NXPH1: variants seen among roughly 807,000 people sequenced by gnomAD.
NXPH1 encodes the protein neurexophilin 1.
A neutral mutation model predicts 23.7 loss-of-function variants in NXPH1; 5 were observed. The observed-to-expected ratio is 0.21, with a 90% confidence interval of 0.11 to 0.44. The LOEUF (loss-of-function observed/expected upper bound fraction) is 0.44. Ranked by LOEUF, NXPH1 falls within the 20% of genes least tolerant of loss-of-function variation. The pLI, the probability that NXPH1 is intolerant of heterozygous loss-of-function variation, is 0.99. For missense variants in NXPH1, 324 were observed against 321.6 expected (o/e 1.01, Z -0.06); for synonymous variants, 144 against 122.2 (o/e 1.18, Z -1.18).
chr7:8,695,671 T>C (rs1374098920), intron 2 of NXPH1, among the ~76,000 whole-genome samples: 2 of 152,234 alleles, frequency 1.3e-5, no homozygotes, highest in Non-Finnish European at 1.5e-5. Context: ...ACTTCTAATA[T>C]ACTAAGTATT....
intron 2 of NXPH1, among the ~76,000 whole-genome samples, chr7:8,617,721 A>C (rs1400114703): frequency 1.3e-5 from 2 of 152,134 alleles, no homozygotes; most frequent in Non-Finnish European, 2.9e-5. Context: ...AATAAAACCT[A>C]CTATTTGATA....
At chr7:8,745,719 A>ATTTTTTTTTTTTTTTTTTTTTTTTTTTTT in intron 2 of NXPH1, among the ~76,000 whole-genome samples, 1 of 111,846 alleles carries the variant, frequency 8.9e-6, no homozygotes, top group Non-Finnish European at 1.7e-5. Flanking sequence ...CGCCCAGCTA[A>ATTTTTTTTTTTTTTTTTTTTTTTTTTTTT]TTTTTTTTTT....
At position 8,566,967 on chromosome 7, in the gene NXPH1, A is replaced by C. The variant is rs115306188; in HGVS notation, c.54+131200A>C. 1.8e-3 allele frequency among the ~76,000 whole-genome samples: 276 copies of C among 152,014 alleles called. 2 individuals carry two copies. The highest frequency in any genetic ancestry group is 6.3e-3 in the African/African-American group (260 of 41,554). ...TTTCAAGAACAAGAAGAAAAAAAGA[A>C]TACTTAAAGATTCATGTGGCCTAAA... On this transcript the variant is annotated intron_variant, in intron 2 of 2. Coordinates refer to ENST00000405863, the MANE Select transcript of NXPH1 (RefSeq NM_152745.3).
At chr7:8,636,724 C>A (rs895977629) in intron 2 of NXPH1, among the ~76,000 whole-genome samples, 1 of 152,208 alleles carries the variant, frequency 6.6e-6, no homozygotes, top group African/African-American at 2.4e-5. Flanking sequence ...CACACGTATT[C>A]CACGTCTGGC....
chr7:8,693,600 C>T (rs1424268597), intron 2 of NXPH1, among the ~76,000 whole-genome samples: 1 of 152,154 alleles, frequency 6.6e-6, no homozygotes, highest in African/African-American at 2.4e-5. Flanking sequence ...AATACATTAT[C>T]ATTAAGTGTT....
intron 2 of NXPH1, among the ~76,000 whole-genome samples, chr7:8,671,302 C>T (rs569304064): frequency 6.2e-4 from 94 of 152,214 alleles, no homozygotes; most frequent in Admixed American, 1.4e-3. Context: ...ATTAAGCACC[C>T]AGCTGTCTTT....
chr7:8,488,100 C>G (rs1050123344), intron 2 of NXPH1, among the ~76,000 whole-genome samples: 3 of 152,082 alleles, frequency 2.0e-5, no homozygotes, highest in Non-Finnish European at 4.4e-5. Context: ...ATAGTTCTTG[C>G]TCTTCATTTG....
chr7:8,549,272 A>G (rs1324530273), intron 2 of NXPH1, among the ~76,000 whole-genome samples: 1 of 151,480 alleles, frequency 6.6e-6, no homozygotes, highest in African/African-American at 2.4e-5. Context: ...TTCTCCATTA[A>G]ATTATGCTGA....
intron 2 of NXPH1, among the ~76,000 whole-genome samples, chr7:8,580,992 G>T (rs1462450743): frequency 6.6e-6 from 1 of 152,128 alleles, no homozygotes; most frequent in Non-Finnish European, 1.5e-5. Context: ...TCATCCCTGA[G>T]AAATGCTAAA....
chr7:8,595,677 A>G (rs2128626217), intron 2 of NXPH1, among the ~76,000 whole-genome samples: 2 of 152,126 alleles, frequency 1.3e-5, no homozygotes, highest in Non-Finnish European at 1.5e-5. Flanking sequence ...ACTCAAGAGT[A>G]TACTGACTAT....
chr7:8,666,610 T>C (rs1820771674), intron 2 of NXPH1, among the ~76,000 whole-genome samples: 1 of 152,108 alleles, frequency 6.6e-6, no homozygotes. Context: ...AACATTGGTA[T>C]AAATTATTCT....
intron 2 of NXPH1, among the ~76,000 whole-genome samples, chr7:8,745,822 C>T (rs541607054): frequency 6.6e-6 from 1 of 150,892 alleles, no homozygotes; most frequent in South Asian, 2.1e-4. Context: ...CTGCCTTGGC[C>T]TCCCAAAGTG....
At chr7:8,658,860 G>A (rs540151942) in intron 2 of NXPH1, among the ~76,000 whole-genome samples, 3 of 152,234 alleles carry the variant, frequency 2.0e-5, no homozygotes, top group South Asian at 2.1e-4. Context: ...TTTTGGGACA[G>A]GGTAGTTTAG....
intron 2 of NXPH1, among the ~76,000 whole-genome samples, chr7:8,700,797 C>T (rs1415441174): frequency 2.0e-5 from 3 of 152,004 alleles, no homozygotes; most frequent in South Asian, 4.1e-4. Context: ...ATCACTGTTC[C>T]TTCCCATGTT....
chr7:8,585,822 C>A (rs952142237), intron 2 of NXPH1, among the ~76,000 whole-genome samples: 7 of 152,164 alleles, frequency 4.6e-5, no homozygotes, highest in Non-Finnish European at 1.0e-4. Flanking sequence ...CTTTTTCATG[C>A]CAATTTGCAA....
intron 2 of NXPH1, among the ~76,000 whole-genome samples, chr7:8,509,346 G>A (rs1302000353): frequency 6.6e-6 from 1 of 152,080 alleles, no homozygotes; most frequent in Non-Finnish European, 1.5e-5. Context: ...TGATGTGGTG[G>A]CTAGGATAAA....
At chr7:8,502,868 A>G (rs1817458713) in intron 2 of NXPH1, among the ~76,000 whole-genome samples, 1 of 151,910 alleles carries the variant, frequency 6.6e-6, no homozygotes, top group African/African-American at 2.4e-5. Context: ...ATGTGCAGCA[A>G]TACTGTCTCA....
chr7:8,659,648 G>A (rs992029815), intron 2 of NXPH1, among the ~76,000 whole-genome samples: 3 of 152,126 alleles, frequency 2.0e-5, no homozygotes, highest in Non-Finnish European at 2.9e-5. Context: ...GAGTTAATGG[G>A]TGCAGCATAC....
At chr7:8,509,530 C>T (rs1415799430) in intron 2 of NXPH1, among the ~76,000 whole-genome samples, 3 of 151,994 alleles carry the variant, frequency 2.0e-5, no homozygotes, top group East Asian at 1.9e-4. Flanking sequence ...TGGAGGCAAT[C>T]GTAAGGAAAT....
Sources: allele counts gnomAD v4.1 joint callset (sites outside exome capture counted in the v4.1 genomes callset), GRCh38; gene constraint gnomAD v4.1.1; transcripts MANE v1.5; gene names NCBI Gene and HGNC (gene_info 2026-07-23, HGNC 2026-07-21).